Variants in CLTC observed in about 807,000 individuals in gnomAD.
The protein encoded by CLTC is clathrin heavy chain.
CLTC carries 16 observed loss-of-function variants against 195.8 expected under a neutral mutation model. That is an observed-to-expected ratio of 0.08 (90% confidence interval 0.06 to 0.12). The LOEUF (loss-of-function observed/expected upper bound fraction) is 0.12, where lower values mean the gene tolerates loss of function less well. Ranked by LOEUF, CLTC falls within the 10% of genes least tolerant of loss-of-function variation. The pLI is 1.00. For synonymous variants in CLTC, 667 were observed against 689.4 expected (o/e 0.97, Z 0.51); for missense variants, 796 against 2,027.0 (o/e 0.39, Z 11.66).
At chr17:59,660,290 C>A in intron 6 of CLTC, 101 bp from the exon 7 acceptor site, 1 of 974,310 alleles carries the variant, frequency 1.0e-6, no homozygotes, top group Non-Finnish European at 1.5e-6. Context: ...GTCACAATTT[C>A]ATTACCTTTG....
At chr17:59,693,193 CCT>C (rs1203133215) in intron 31 of CLTC, among the ~76,000 whole-genome samples, 2 of 151,962 alleles carry the variant, frequency 1.3e-5, no homozygotes, top group South Asian at 4.2e-4. Flanking sequence ...GTGGCAAAAC[CCT>C]GTCTCTACTA....
At chr17:59,678,895 A>G (rs1306110974) in intron 17 of CLTC, among the ~76,000 whole-genome samples, 1 of 151,922 alleles carries the variant, frequency 6.6e-6, no homozygotes, top group Non-Finnish European at 1.5e-5. Flanking sequence ...CAAGCTACCC[A>G]GAAAGCTGAG....
Position 59,693,784 on chromosome 17 carries a change from C to A in CLTC, c.4960C>A (p.Pro1654Thr). 1.2e-6 allele frequency: 2 copies of A among 1,613,896 alleles called. No homozygotes were observed. The highest frequency in any genetic ancestry group is 1.7e-6 in the Non-Finnish European group (2 of 1,179,888). ...CAGTGTTGCCGTCCCTCCCCAGGCA[C>A]CTTTTGGTTATGGTTATACCGCACC... ...GPSVAVPPQAPFGYGYTAPPY... is the reference protein window; with the variant it reads ...GPSVAVPPQATFGYGYTAPPY... Residue 1654 changes from proline (P) to threonine (T), a missense_variant, in exon 32 of 32, where the codon CCT (proline) becomes ACT (threonine). Coordinates refer to ENST00000269122, the MANE Select transcript of CLTC (RefSeq NM_004859.4).
At chr17:59,674,188 A>C (rs114671024) in intron 15 of CLTC, among the ~76,000 whole-genome samples, 72 of 152,272 alleles carry the variant, frequency 4.7e-4, no homozygotes, top group African/African-American at 1.7e-3. Context: ...AAATATAAGA[A>C]TAGAACTGCT....
intron 14 of CLTC, among the ~76,000 whole-genome samples, chr17:59,669,819 T>G (rs2032808143): frequency 6.6e-6 from 1 of 152,234 alleles, no homozygotes; most frequent in South Asian, 2.1e-4. Flanking sequence ...AACCAAAATG[T>G]TTTTGTAGAA....
rs2033279806 is a variant in CLTC, at chr17:59,690,832, C to T, written c.4903+121C>T. On this transcript the variant is annotated intron_variant, in intron 31 of 31. Transcript: ENST00000269122. ...GCAAAAGGCTTTCTAAGAAATACTG[C>T]TCTCTACTGTCTGATTTTTTTTCTG... is the stretch of plus-strand genomic sequence containing the variant. The T allele has an allele frequency of 6.3e-6, 4 of 630,926 alleles. No individual in the cohort carries two copies. In the Admixed American group the frequency reaches 9.5e-5, roughly 15 times the overall value. The allele number at this position is 630,926 out of a possible 1,614,324, so 39.1% of individuals were successfully genotyped here.
Position 59,696,449 on chromosome 17 carries a change from C to T in CLTC, c.*2597C>T, listed in dbSNP as rs1189246955. The T allele has an allele frequency of 4.7e-6, 1 of 214,466 alleles. No individual in the cohort carries two copies. Among genetic ancestry groups the T allele is most frequent in the African/African-American group, 2.3e-5 (1 of 44,268 alleles). The allele number at this position is 214,466 out of a possible 1,614,324, so 13.3% of individuals were successfully genotyped here. A position where few individuals can be genotyped will look rare whatever the true frequency, so the allele number is the denominator to read the frequency against. ...TTAAAATGGGCCTATTACCAAAATT[C>T]TCCCTGGCATCATTACAGTTCTTGG... On this transcript the variant is annotated 3_prime_UTR_variant, in exon 32 of 32. Transcript: ENST00000269122.
intron 3 of CLTC, 145 bp downstream of exon 3, chr17:59,647,811 C>A: frequency 1.4e-6 from 1 of 698,298 alleles, no homozygotes; most frequent in Non-Finnish European, 2.4e-6. Flanking sequence ...TCCTTCCTCC[C>A]ATCCCTTCTC....
At chr17:59,679,711 A>T (rs2033042294) in intron 18 of CLTC, among the ~76,000 whole-genome samples, 192 bp downstream of exon 18, 1 of 151,978 alleles carries the variant, frequency 6.6e-6, no homozygotes, top group African/African-American at 2.4e-5. Flanking sequence ...ATGTAAATTG[A>T]TTATATACAT....
chr17:59,652,557 A>G (rs961681799), intron 5 of CLTC, among the ~76,000 whole-genome samples: 2 of 152,196 alleles, frequency 1.3e-5, no homozygotes, highest in African/African-American at 4.8e-5. Context: ...GTATATCTCC[A>G]TTAGAGCTCT....
chr17:59,668,614 T>A (rs1277756837), intron 13 of CLTC, among the ~76,000 whole-genome samples, 163 bp from the exon 14 acceptor site: 2 of 152,228 alleles, frequency 1.3e-5, no homozygotes, highest in African/African-American at 4.8e-5. Flanking sequence ...CAATCCATTT[T>A]ACTGATCTGA....
Position 59,694,090 on chromosome 17 carries a change from G to T in CLTC, c.*238G>T. 6.0e-6 allele frequency: 2 copies of T among 331,818 alleles called. No homozygotes were observed. The highest frequency in any genetic ancestry group is 7.0e-5 in the South Asian group (1 of 14,192). 20.6% of individuals were successfully genotyped at this position (331,818 alleles called of 1,614,324 possible). A position where few individuals can be genotyped will look rare whatever the true frequency, so the allele number is the denominator to read the frequency against. On this transcript the variant is annotated 3_prime_UTR_variant, in exon 32 of 32. Coordinates refer to ENST00000269122, the MANE Select transcript of CLTC (RefSeq NM_004859.4). ...ATAGTTTCAATGTTTTATTCACTTG[G>T]GCTTTTTTTCTTCCCCCTCTTTCTT...
chr17:59,684,993 A>G, intron 28 of CLTC, 63 bp from the exon 29 acceptor site: 1 of 1,327,700 alleles, frequency 7.5e-7, no homozygotes, highest in Non-Finnish European at 1.0e-6. Flanking sequence ...TCATTGATTG[A>G]GAACGGAATA....
chr17:59,684,115 A>G (rs1360856978), intron 28 of CLTC, 130 bp downstream of exon 28: 2 of 617,610 alleles, frequency 3.2e-6, no homozygotes, highest in Admixed American at 3.1e-5. Flanking sequence ...TAAATTTAGT[A>G]AGATTTCAGG....
At chr17:59,636,797 T>C (rs2031872370) in intron 1 of CLTC, among the ~76,000 whole-genome samples, 1 of 148,576 alleles carries the variant, frequency 6.7e-6, no homozygotes, top group Non-Finnish European at 1.5e-5. Context: ...AGTTTCACTC[T>C]TGTTGCCCAG....
intron 6 of CLTC, chr17:59,656,259 T>C (rs752297430): frequency 7.9e-5 from 30 of 378,662 alleles, no homozygotes; most frequent in Non-Finnish European, 1.3e-4. Context: ...AATAGAGATG[T>C]GTATGAATAC....
In CLTC at chr17:59,681,917, T is replaced by C; in HGVS notation, c.3442+78T>C. On this transcript the variant is annotated intron_variant, in intron 21 of 31. Coordinates refer to ENST00000269122, the MANE Select transcript of CLTC (RefSeq NM_004859.4). This position sits in a 1 kb window ranked among gnomAD's most constrained non-coding sequence, Gnocchi z 5.0. The stretch of plus-strand genomic sequence containing the variant: ...ATTAAGATATCTGTCTATTCTGAAT[T>C]TTAGAAGAGTTGGATACTGCATGGT... 2 of 1,286,050 alleles carry C rather than the reference T, an allele frequency of 1.6e-6. No homozygotes were observed. Among genetic ancestry groups the C allele is most frequent in the Non-Finnish European group, 2.1e-6 (2 of 933,354 alleles). 79.7% of individuals were successfully genotyped at this position (1,286,050 alleles called of 1,614,324 possible).
At position 59,627,652 on chromosome 17, in the gene CLTC, C is replaced by T. The variant is rs377068192; in HGVS notation, c.42+7479C>T. Among the ~76,000 whole-genome samples the T allele has an allele frequency of 5.3e-5, 8 of 152,100 alleles. No individual in the cohort carries two copies. The East Asian group carries it at 1.6e-3, about 30-fold the overall frequency. On this transcript the variant is annotated intron_variant, in intron 1 of 31. Coordinates refer to ENST00000269122, the MANE Select transcript of CLTC (RefSeq NM_004859.4). ...TAGGAGACAGCAAACTAACATCTGA[C>T]TTTATGCCTTGAATGATTATTTAGC...
At chr17:59,669,736 A>G (rs1486792444) in intron 14 of CLTC, among the ~76,000 whole-genome samples, 1 of 98,854 alleles carries the variant, frequency 1.0e-5, no homozygotes, top group Non-Finnish European at 2.9e-5. Flanking sequence ...ATATATATAT[A>G]TAATGATTCC....
Sources: allele counts gnomAD v4.1 joint callset (sites outside exome capture counted in the v4.1 genomes callset), GRCh38; gene constraint gnomAD v4.1.1; non-coding constraint Gnocchi (gnomAD v3.1); transcripts MANE v1.5; gene names NCBI Gene and HGNC (gene_info 2026-07-23, HGNC 2026-07-21).